Variants in GLIS3 observed in about 807,000 individuals in gnomAD.
GLIS3 encodes the protein GLIS family zinc finger 3, also known as zinc finger protein GLIS3.
Under a neutral mutation model 78.6 loss-of-function variants are expected in GLIS3, and 53 were observed. The ratio of observed to expected loss-of-function variants is 0.67; its 90% confidence interval spans 0.54 to 0.85. The LOEUF is 0.85. Ranked by LOEUF, GLIS3 falls within the 40% of genes least tolerant of loss-of-function variation. GLIS3 has a pLI of 0.00. For missense variants in GLIS3, 1,703 were observed against 1,231.1 expected, an observed-to-expected ratio of 1.38 and a Z score of -5.74; for synonymous variants, 684 against 509.9, an observed-to-expected ratio of 1.34 and a Z score of -4.60.
At chr9:4,121,617 A>G (rs1832187251) in intron 3 of GLIS3, among the ~76,000 whole-genome samples, 2 of 131,378 alleles carry the variant, frequency 1.5e-5, no homozygotes, top group Admixed American at 8.1e-5. Context: ...AATTTCTCCC[A>G]GTGACACACA....
intron 8 of GLIS3, among the ~76,000 whole-genome samples, chr9:3,859,693 A>C (rs1404015301): frequency 6.6e-6 from 1 of 152,148 alleles, no homozygotes; most frequent in African/African-American, 2.4e-5. Flanking sequence ...CTAGCTGCTG[A>C]TCTGCAGTTG....
chr9:4,399,462 G>A, the GLIS3 span, among the ~76,000 whole-genome samples: 2 of 152,216 alleles, frequency 1.3e-5, no homozygotes, highest in East Asian at 1.9e-4. Context: ...TAAGGCTTAT[G>A]AATATGAAAT....
intron 9 of GLIS3, among the ~76,000 whole-genome samples, chr9:3,853,789 G>A (rs930360580): frequency 6.6e-6 from 1 of 152,104 alleles, no homozygotes; most frequent in East Asian, 1.9e-4. Flanking sequence ...ATATAAAACC[G>A]TCAATATTTT....
intron 8 of GLIS3, among the ~76,000 whole-genome samples, chr9:3,863,442 G>A (rs550334196): frequency 1.3e-5 from 2 of 152,290 alleles, no homozygotes; most frequent in Admixed American, 6.5e-5. Context: ...GGGCAGGACT[G>A]GGGCAGGGCA....
intron 2 of GLIS3, among the ~76,000 whole-genome samples, chr9:4,343,234 TG>T (rs929293579): frequency 1.6e-4 from 24 of 152,052 alleles, no homozygotes; most frequent in Non-Finnish European, 2.2e-4. Context: ...CCCAGCTACT[TG>T]AAAGGCTGAG....
chr9:4,098,214 C>T (rs1232843686), intron 4 of GLIS3, among the ~76,000 whole-genome samples: 3 of 152,136 alleles, frequency 2.0e-5, no homozygotes, highest in East Asian at 3.9e-4. Flanking sequence ...TACTTAAATG[C>T]TAGTTCCCTT....
At chr9:4,294,038 G>A (rs535005262) in intron 1 of GLIS3, among the ~76,000 whole-genome samples, 3 of 152,250 alleles carry the variant, frequency 2.0e-5, no homozygotes, top group South Asian at 2.1e-4. Context: ...AGTCCAGCTC[G>A]ATGGTCTTTT....
intron 4 of GLIS3, among the ~76,000 whole-genome samples, chr9:4,110,029 A>G (rs996053532): frequency 1.3e-5 from 2 of 152,178 alleles, no homozygotes; most frequent in African/African-American, 4.8e-5. Context: ...CTGTTTACAC[A>G]ACTGTCACCC....
chr9:3,934,853 G>A (rs1176705202), intron 5 of GLIS3, among the ~76,000 whole-genome samples: 1 of 152,166 alleles, frequency 6.6e-6, no homozygotes, highest in Non-Finnish European at 1.5e-5. Flanking sequence ...ACTGATCTAA[G>A]TAGTACTGCT....
intron 4 of GLIS3, among the ~76,000 whole-genome samples, chr9:4,037,910 C>T (rs1482452460): frequency 6.6e-6 from 1 of 151,734 alleles, no homozygotes; most frequent in Non-Finnish European, 1.5e-5. Context: ...TTTATACACA[C>T]TTTTCAGCTG....
chr9:4,259,881 G>A (rs972546253), intron 2 of GLIS3, among the ~76,000 whole-genome samples: 3 of 152,182 alleles, frequency 2.0e-5, no homozygotes, highest in East Asian at 3.8e-4. Flanking sequence ...GGTGTAAAAC[G>A]GAGAAAATGT....
At chr9:4,313,448 C>G (rs547728653) in intron 2 of GLIS3, among the ~76,000 whole-genome samples, 35 of 152,266 alleles carry the variant, frequency 2.3e-4, no homozygotes, top group African/African-American at 8.4e-4. Context: ...CCTCCCACCA[C>G]CCAACTTGAG....
At chr9:4,192,522 G>T (rs1033509276) in intron 2 of GLIS3, among the ~76,000 whole-genome samples, 1 of 152,168 alleles carries the variant, frequency 6.6e-6, no homozygotes, top group African/African-American at 2.4e-5. Flanking sequence ...TGCCTGTACT[G>T]GTTTCAACCT....
intron 2 of GLIS3, among the ~76,000 whole-genome samples, chr9:4,221,163 G>T (rs1290408310): frequency 6.6e-6 from 1 of 152,108 alleles, no homozygotes; most frequent in East Asian, 1.9e-4. Flanking sequence ...GCAAAGAAAC[G>T]TACATACATA....
chr9:3,922,222 A>G (rs1384236894), intron 6 of GLIS3, among the ~76,000 whole-genome samples: 1 of 152,194 alleles, frequency 6.6e-6, no homozygotes, highest in African/African-American at 2.4e-5. Flanking sequence ...TGCAGTCATT[A>G]AAAATATAGT....
chr9:4,046,489 G>T (rs939780055), intron 4 of GLIS3, among the ~76,000 whole-genome samples: 1 of 152,178 alleles, frequency 6.6e-6, no homozygotes. Flanking sequence ...TTAAGCAGCA[G>T]CACACAGAAA....
chr9:4,098,477 C>A (rs1050658260), intron 4 of GLIS3, among the ~76,000 whole-genome samples: 8 of 152,116 alleles, frequency 5.3e-5, no homozygotes, highest in African/African-American at 1.9e-4. Context: ...CTAACCCTCA[C>A]CCCTGAAGAA....
intron 8 of GLIS3, among the ~76,000 whole-genome samples, chr9:3,868,918 G>T (rs959806480): frequency 1.3e-5 from 2 of 152,074 alleles, no homozygotes; most frequent in African/African-American, 2.4e-5. Flanking sequence ...TCCTCCTCTA[G>T]TCCTTTCTCC....
At chr9:3,917,075 G>C (rs1379095614) in intron 6 of GLIS3, among the ~76,000 whole-genome samples, 1 of 152,134 alleles carries the variant, frequency 6.6e-6, no homozygotes, top group East Asian at 1.9e-4. Context: ...CTCAAATGTT[G>C]CAATACCACA....
Sources: gnomAD v4.1 joint callset for allele counts (sites outside exome capture counted in the v4.1 genomes callset) on GRCh38, gnomAD v4.1.1 for gene constraint, MANE v1.5 for transcripts, NCBI Gene and HGNC (gene_info 2026-07-23, HGNC 2026-07-21) for gene names.